Variants in ABCC5 observed in about 807,000 individuals in gnomAD.
ABCC5 encodes ATP binding cassette subfamily C member 5.
ABCC5 carries 61 observed loss-of-function variants against 160.9 expected under a neutral mutation model. The observed-to-expected ratio is 0.38, with a 90% CI of 0.31 to 0.47. The LOEUF is 0.47. Among genes scored for constraint, ABCC5 ranks in the 20% least tolerant of loss-of-function variants. The pLI is 0.99. For synonymous variants in ABCC5, 666 were observed against 700.6 expected (o/e 0.95, Z 0.78); for missense variants, 1,308 against 1,813.3 (o/e 0.72, Z 5.06).
intron 5 of ABCC5, chr3:183,984,413 G>C (rs1053667482): frequency 3.0e-6 from 3 of 996,626 alleles, no homozygotes; most frequent in African/African-American, 3.5e-5. Flanking sequence ...GACTGCAGCT[G>C]TAAGTCAGAG....
At chr3:183,984,676 G>A in intron 5 of ABCC5, 1 of 1,469,320 alleles carries the variant, frequency 6.8e-7, no homozygotes, top group Non-Finnish European at 9.0e-7. Flanking sequence ...CAGATTTTTA[G>A]GTTTATATCC....
At position 183,957,335 on chromosome 3, in the gene ABCC5, C is replaced by T. The variant is rs377375528; in HGVS notation, c.2482+2398G>A. Among the ~76,000 whole-genome samples, 9 of 115,716 alleles carry T rather than the reference C, an allele frequency of 7.8e-5. 1 individual carries two copies. Among genetic ancestry groups the T allele is most frequent in the Admixed American group, 5.5e-4 (6 of 10,924 alleles). The allele number at this position is 115,716 out of a possible 152,430, so 75.9% of individuals were successfully genotyped here. On this transcript the variant is annotated intron_variant, in intron 17 of 29. Coordinates refer to ENST00000334444, the MANE Select transcript of ABCC5 (RefSeq NM_005688.4). Reference sequence around the variant, plus strand: ...AAATCACATCGGTTACATGCGGGTCCGTGTGTACATCACATCGGTTACATG... The same window carrying T: ...AAATCACATCGGTTACATGCGGGTCTGTGTGTACATCACATCGGTTACATG...
intron 5 of ABCC5, chr3:183,984,001 C>T (rs1718976492): frequency 1.0e-6 from 1 of 985,268 alleles, no homozygotes; most frequent in Admixed American, 6.2e-5. Flanking sequence ...ATCAGGCTGA[C>T]AGCACTCAAT....
chr3:184,013,160 T>C (rs904254847), intron 2 of ABCC5, among the ~76,000 whole-genome samples: 1 of 152,232 alleles, frequency 6.6e-6, no homozygotes, highest in African/African-American at 2.4e-5. Context: ...AAAGACTGCT[T>C]AACTTATGAA....
chr3:183,928,610 C>A, intron 27 of ABCC5, 137 bp downstream of exon 27: 1 of 709,838 alleles, frequency 1.4e-6, no homozygotes, highest in Non-Finnish European at 2.4e-6. Flanking sequence ...ATCTGAAAGA[C>A]TTGGAGAGCC....
At chr3:183,979,129 GAGGTCAGGT>G (rs1718476895) in intron 8 of ABCC5, among the ~76,000 whole-genome samples, 1 of 152,176 alleles carries the variant, frequency 6.6e-6, no homozygotes, top group South Asian at 2.1e-4. Flanking sequence ...GGAATCACCT[GAGGTCAGGT>G]GTTCGAGACC....
Position 183,971,735 on chromosome 3 carries a change from A to C in ABCC5, c.1589T>G (p.Val530Gly). Residue 530 changes from valine to glycine, a missense_variant, in exon 11 of 30, where the codon GTG (valine) becomes GGG (glycine). Coordinates refer to ENST00000334444, the MANE Select transcript of ABCC5 (RefSeq NM_005688.4). Reference sequence around the variant, plus strand: ...ATGCTCAGTGCGCTGCAGCTGCCTCACCTTCTCTTTCTTGCCCCTGGAAGC... The same window carrying C: ...ATGCTCAGTGCGCTGCAGCTGCCTCCCCTTCTCTTTCTTGCCCCTGGAAGC... ...KRASRGKKEK[V>G]RQLQRTEHQA... is the part of the protein sequence containing the mutation. 6.2e-7 allele frequency: 1 copy of C among 1,614,070 alleles called. No individual in the cohort carries two copies. The highest frequency in any genetic ancestry group is 8.5e-7 in the Non-Finnish European group (1 of 1,180,000).
intron 11 of ABCC5, among the ~76,000 whole-genome samples, chr3:183,968,175 C>CT (rs1203572733): frequency 6.6e-6 from 1 of 152,108 alleles, no homozygotes; most frequent in Non-Finnish European, 1.5e-5. Flanking sequence ...GTCAACCAGG[C>CT]TGGAGTACAG....
intron 10 of ABCC5, among the ~76,000 whole-genome samples, chr3:183,974,905 T>C (rs945213090): frequency 3.9e-5 from 6 of 152,334 alleles, no homozygotes; most frequent in African/African-American, 9.6e-5. Context: ...GAAAAGACTA[T>C]ACTTGCAAAT....
chr3:183,959,052 T>TACACACAAACACACACACACACACAC (rs1716491308), intron 17 of ABCC5, among the ~76,000 whole-genome samples: 1 of 148,056 alleles, frequency 6.8e-6, no homozygotes, highest in African/African-American at 2.5e-5. Context: ...ATCTATACAG[T>TACACACAAACACACACACACACACAC]ACACACACAC....
At chr3:183,979,879 C>CT (rs879432063) in intron 8 of ABCC5, among the ~76,000 whole-genome samples, 370 of 143,868 alleles carry the variant, frequency 2.6e-3, no homozygotes, top group South Asian at 0.011. Flanking sequence ...CCGGCCAATA[C>CT]TTTTTTTTTT....
rs377553409 is a variant in ABCC5 at position 183,951,968 on chromosome 3, C to T, written c.2703G>A (p.Val901=). 5.0e-6 allele frequency: 8 copies of T among 1,612,584 alleles called. No homozygotes were observed. Among genetic ancestry groups the T allele is most frequent in the Non-Finnish European group, 6.8e-6 (8 of 1,178,896 alleles). ...TTVTRGNETS[V]SDSMKDNPHM... ...GAGGATTGTCCTTCATGCTGTCACT[C>T]ACCGAGGTCTCGTTCCCTCGAGTCA... The change falls in exon 19 of 30, where the codon GTG becomes GTA. Residue 901 remains valine (V), a synonymous_variant. Coordinates refer to ENST00000334444, the MANE Select transcript of ABCC5 (RefSeq NM_005688.4). The surrounding 1 kb of genome is among the most constrained non-coding windows in gnomAD (Gnocchi z 4.7).
At chr3:183,984,787 A>C (rs754287866) in intron 5 of ABCC5, 1 of 1,559,452 alleles carries the variant, frequency 6.4e-7, no homozygotes, top group Non-Finnish European at 8.6e-7. Context: ...ACTGAGTCAC[A>C]GGGCCAAAGC....
At position 183,965,165 on chromosome 3, in the gene ABCC5, C is replaced by A; in HGVS notation, c.2031+20G>T. ...TCTGCCACTCTGCTAAATGCCTGGTCAGGGGCGGAAGGCCTGTACCTCCGT... is the reference window on the plus strand; with the variant it reads ...TCTGCCACTCTGCTAAATGCCTGGTAAGGGGCGGAAGGCCTGTACCTCCGT... On this transcript the variant is annotated intron_variant, in intron 14 of 29. Transcript: ENST00000334444. 6.2e-7 allele frequency: 1 copy of A among 1,613,232 alleles called. No individual in the cohort carries two copies. Among genetic ancestry groups the A allele is most frequent in the South Asian group, 1.1e-5 (1 of 90,964 alleles).
In ABCC5 at chr3:183,961,649, C is replaced by G. The variant is rs934935275; in HGVS notation, c.2241G>C (p.Leu747=). Residue 747 remains leucine, a synonymous_variant, in exon 16 of 30, where the codon CTG becomes CTC. Coordinates refer to ENST00000334444, the MANE Select transcript of ABCC5 (RefSeq NM_005688.4). ...VLFVTHQLQY[L]VDCDEVIFMK... is the part of the protein sequence containing the mutation. ...TGAAGATCACTTCATCACAGTCAAC[C>G]AGGTACTGAAGGCAAAGGCAGAGAC... 2 of 1,614,186 alleles carry G rather than the reference C, an allele frequency of 1.2e-6. No homozygotes were observed. The highest frequency in any genetic ancestry group is 1.7e-6 in the Non-Finnish European group (2 of 1,180,018).
intron 23 of ABCC5, among the ~76,000 whole-genome samples, chr3:183,946,770 C>CCATT (rs1230001457): frequency 6.6e-6 from 1 of 152,064 alleles, no homozygotes; most frequent in Non-Finnish European, 1.5e-5. Context: ...AATTCCAATA[C>CCATT]CATTATTTTA....
intron 2 of ABCC5, among the ~76,000 whole-genome samples, chr3:183,995,578 C>A (rs533008389): frequency 6.6e-6 from 1 of 152,094 alleles, no homozygotes; most frequent in Non-Finnish European, 1.5e-5. Context: ...GCACTTATGT[C>A]GAAAAGTTGG....
At chr3:183,922,917 T>C (rs1577440494) in intron 29 of ABCC5, among the ~76,000 whole-genome samples, 4 of 152,110 alleles carry the variant, frequency 2.6e-5, no homozygotes, top group Non-Finnish European at 5.9e-5. Context: ...CTGAGAGTGA[T>C]ACAGAGCCCC....
rs1404149067 is a variant in ABCC5, at chr3:183,951,200, G to T, written c.2944+241C>A. On this transcript the variant is annotated intron_variant, in intron 20 of 29. Coordinates refer to ENST00000334444, the MANE Select transcript of ABCC5 (RefSeq NM_005688.4). This position sits in a 1 kb window ranked among gnomAD's most constrained non-coding sequence, Gnocchi z 4.7. The stretch of plus-strand genomic sequence containing the variant: ...AAACCAATGCATTGCTTTAAAATCT[G>T]TGTGTGTTTCAGAATCTCAGATGCC... 6.6e-6 allele frequency among the ~76,000 whole-genome samples: 1 copy of T among 152,204 alleles called. No individual in the cohort carries two copies. The highest frequency in any genetic ancestry group is 1.5e-5 in the Non-Finnish European group (1 of 68,036).
Sources: allele counts gnomAD v4.1 joint callset (sites outside exome capture counted in the v4.1 genomes callset), GRCh38; gene constraint gnomAD v4.1.1; non-coding constraint Gnocchi (gnomAD v3.1); transcripts MANE v1.5; gene names NCBI Gene and HGNC (gene_info 2026-07-23, HGNC 2026-07-21).